The following SDK1 variants were observed in gnomAD, a reference collection of about 807,000 sequenced individuals.
SDK1 encodes sidekick cell adhesion molecule 1.
In SDK1, 157 loss-of-function variants were observed where a neutral mutation model predicts 245.5. The observed-to-expected ratio is 0.64, with a 90% CI of 0.56 to 0.73. The LOEUF (loss-of-function observed/expected upper bound fraction) is 0.73. Among genes scored for constraint, SDK1 ranks in the 30% least tolerant of loss-of-function variants. SDK1 has a pLI of 0.00. For missense variants in SDK1, 3,583 were observed against 3,002.3 expected (o/e 1.19, Z -4.52); for synonymous variants, 1,647 against 1,278.5 (o/e 1.29, Z -6.15).
At chr7:4,180,464 C>G (rs920417480) in intron 35 of SDK1, among the ~76,000 whole-genome samples, 4 of 149,964 alleles carry the variant, frequency 2.7e-5, no homozygotes, top group African/African-American at 4.9e-5. Context: ...GGCTCCAGCT[C>G]TATGCCCTGT....
At chr7:3,323,043 C>T (rs981101065) in intron 1 of SDK1, among the ~76,000 whole-genome samples, 1 of 152,150 alleles carries the variant, frequency 6.6e-6, no homozygotes, top group African/African-American at 2.4e-5. Context: ...CCCAAGCAAG[C>T]TGCCCATCTC....
chr7:3,780,188 C>G (rs964884461), intron 4 of SDK1, among the ~76,000 whole-genome samples: 4 of 152,200 alleles, frequency 2.6e-5, no homozygotes, highest in Non-Finnish European at 4.4e-5. Flanking sequence ...CCACACTGCC[C>G]CTTCCCATCT....
rs1271054931 is a variant in SDK1, at chr7:3,987,291, T to C, written c.2100T>C (p.Ile700=). 1 of 1,614,146 alleles carries C rather than the reference T, an allele frequency of 6.2e-7. No individual in the cohort carries two copies. ...GGCCCTTTGATGGAAACAGTCCTAT[T>C]CTTTATTACATCGTGGAGCTCTCTG... ...WVRPFDGNSP[I]LYYIVELSEN... is the part of the protein sequence containing the mutation. The change falls in exon 14 of 45, where the codon ATT becomes ATC. Residue 700 remains isoleucine (I), a synonymous_variant. Transcript: ENST00000404826.
At chr7:3,995,712 T>A (rs1784650828) in intron 14 of SDK1, among the ~76,000 whole-genome samples, 1 of 152,232 alleles carries the variant, frequency 6.6e-6, no homozygotes, top group African/African-American at 2.4e-5. Context: ...GTGTTTCGAC[T>A]GCTAGTATTC....
chr7:3,668,088 G>T (rs564877988), intron 4 of SDK1, among the ~76,000 whole-genome samples: 4 of 152,156 alleles, frequency 2.6e-5, no homozygotes, highest in Non-Finnish European at 4.4e-5. Context: ...ATCATTTGAG[G>T]TAGGGGACAG....
At chr7:3,394,926 A>G in intron 1 of SDK1, among the ~76,000 whole-genome samples, 1 of 152,014 alleles carries the variant, frequency 6.6e-6, no homozygotes, top group East Asian at 1.9e-4. Context: ...GGTTTTCTAT[A>G]TACAGGATCA....
chr7:3,407,404 C>G (rs557409606), intron 1 of SDK1, among the ~76,000 whole-genome samples: 8 of 152,290 alleles, frequency 5.3e-5, no homozygotes, highest in Admixed American at 2.6e-4. Flanking sequence ...GGTGACCATC[C>G]TGCCAAGTGA....
chr7:3,510,098 T>G (rs545784492), intron 1 of SDK1, among the ~76,000 whole-genome samples: 1 of 152,274 alleles, frequency 6.6e-6, no homozygotes, highest in African/African-American at 2.4e-5. Context: ...CTCCAGTGTT[T>G]CCTAAGCGTC....
chr7:4,057,944 G>A (rs1779301953), intron 19 of SDK1, among the ~76,000 whole-genome samples: 1 of 152,118 alleles, frequency 6.6e-6, no homozygotes, highest in South Asian at 2.1e-4. Context: ...ATTAGAAGAA[G>A]CAACTGTTAC....
At chr7:4,076,701 G>T (rs1158751384) in intron 20 of SDK1, among the ~76,000 whole-genome samples, 1 of 152,234 alleles carries the variant, frequency 6.6e-6, no homozygotes, top group African/African-American at 2.4e-5. Context: ...ACCTGGTGCT[G>T]AGGTTACCAG....
At chr7:3,402,651 G>A (rs971150424) in intron 1 of SDK1, among the ~76,000 whole-genome samples, 1 of 152,014 alleles carries the variant, frequency 6.6e-6, no homozygotes, top group African/African-American at 2.4e-5. Flanking sequence ...TTTCATCTGG[G>A]CCATTTTTGA....
intron 2 of SDK1, among the ~76,000 whole-genome samples, chr7:3,625,508 G>C (rs1293092945): frequency 6.6e-6 from 1 of 152,162 alleles, no homozygotes; most frequent in African/African-American, 2.4e-5. Flanking sequence ...GTAAAGGCAG[G>C]GGAATGAAGC....
At chr7:3,706,135 A>T (rs1784882905) in intron 4 of SDK1, among the ~76,000 whole-genome samples, 1 of 152,138 alleles carries the variant, frequency 6.6e-6, no homozygotes, top group African/African-American at 2.4e-5. Context: ...CATGGTTATT[A>T]TATTTTGATG....
chr7:3,844,975 A>T (rs1780240722), intron 5 of SDK1, among the ~76,000 whole-genome samples: 2 of 152,228 alleles, frequency 1.3e-5, no homozygotes, highest in South Asian at 4.1e-4. Flanking sequence ...TCATCAGAAC[A>T]TCTGTCATCA....
chr7:3,691,830 C>T (rs972846844), intron 4 of SDK1, among the ~76,000 whole-genome samples: 2 of 152,048 alleles, frequency 1.3e-5, no homozygotes, highest in Admixed American at 6.6e-5. Flanking sequence ...ATTCAGACAG[C>T]GTGGGTTGAA....
chr7:3,610,325 G>C (rs1465149577), intron 1 of SDK1, among the ~76,000 whole-genome samples: 1 of 152,114 alleles, frequency 6.6e-6, no homozygotes, highest in African/African-American at 2.4e-5. Context: ...AATCAGGGTT[G>C]ATTTCTTAAG....
intron 5 of SDK1, among the ~76,000 whole-genome samples, chr7:3,844,195 T>A (rs1780223129): frequency 6.6e-6 from 1 of 152,148 alleles, no homozygotes; most frequent in African/African-American, 2.4e-5. Context: ...GGTCTTGAGC[T>A]CCTGACCTCA....
intron 5 of SDK1, among the ~76,000 whole-genome samples, chr7:3,940,263 A>G (rs543330324): frequency 6.6e-6 from 1 of 152,268 alleles, no homozygotes; most frequent in South Asian, 2.1e-4. Flanking sequence ...TTCAAGTTGG[A>G]TATTTAGAAT....
intron 4 of SDK1, among the ~76,000 whole-genome samples, chr7:3,771,039 C>G (rs968341474): frequency 1.2e-4 from 18 of 152,258 alleles, no homozygotes; most frequent in African/African-American, 4.3e-4. Flanking sequence ...TTGTTTGTCC[C>G]TTGCACTAAT....
Sources: gnomAD v4.1 joint callset for allele counts (sites outside exome capture counted in the v4.1 genomes callset) on GRCh38, gnomAD v4.1.1 for gene constraint, MANE v1.5 for transcripts, NCBI Gene and HGNC (gene_info 2026-07-23, HGNC 2026-07-21) for gene names.